TCF7L1: variants seen among roughly 807,000 people sequenced by gnomAD.
TCF7L1 encodes the protein transcription factor 7-like 1.
TCF7L1 carries 18 observed loss-of-function variants against 63.7 expected under a neutral mutation model. That is an observed-to-expected ratio of 0.28 (90% CI 0.20 to 0.42). TCF7L1 has a LOEUF of 0.42. TCF7L1 is among the 10% of genes least tolerant of loss of function. The probability of loss-of-function intolerance (pLI) is 1.00; values close to 1 mark genes in which losing one functional copy is unlikely to be tolerated. For missense variants in TCF7L1, 654 were observed against 779.3 expected (o/e 0.84, Z 1.91); for synonymous variants, 355 against 340.9 (o/e 1.04, Z -0.46).
At chr2:85,191,387 TC>T (rs1437929891) in intron 3 of TCF7L1, among the ~76,000 whole-genome samples, 1 of 152,238 alleles carries the variant, frequency 6.6e-6, no homozygotes, top group Non-Finnish European at 1.5e-5. Flanking sequence ...CAGACCCTGA[TC>T]TGGTGCCAGC....
intron 3 of TCF7L1, among the ~76,000 whole-genome samples, chr2:85,151,771 C>A (rs2583539): frequency 0.47 from 72,126 of 151,982 alleles, 17,689 homozygotes; most frequent in East Asian, 0.84. Context: ...AGCTTTGGGG[C>A]ACTACAAGGT....
At chr2:85,251,540 C>T (rs1312625386) in intron 3 of TCF7L1, among the ~76,000 whole-genome samples, 1 of 152,128 alleles carries the variant, frequency 6.6e-6, no homozygotes, top group Non-Finnish European at 1.5e-5. Flanking sequence ...AGTTAGAACC[C>T]AAGTCTCTGG....
intron 11 of TCF7L1, 32 bp downstream of exon 11, chr2:85,307,749 CT>C (rs748472781): frequency 1.9e-6 from 3 of 1,599,724 alleles, no homozygotes; most frequent in Non-Finnish European, 2.6e-6. Flanking sequence ...TCTTCTCCTG[CT>C]TTTCCTTTTG....
chr2:85,152,320 G>C (rs1037928142), intron 3 of TCF7L1, among the ~76,000 whole-genome samples: 1 of 152,072 alleles, frequency 6.6e-6, no homozygotes, highest in South Asian at 2.1e-4. Context: ...TGTGTTTAAT[G>C]TTATGAGTGC....
chr2:85,279,907 C>T (rs958141690), intron 3 of TCF7L1, among the ~76,000 whole-genome samples: 1 of 152,160 alleles, frequency 6.6e-6, no homozygotes, highest in African/African-American at 2.4e-5. Flanking sequence ...GTGGTAGGCA[C>T]GACCAGTGTG....
chr2:85,199,379 C>T (rs1458469201), intron 3 of TCF7L1, among the ~76,000 whole-genome samples: 1 of 152,042 alleles, frequency 6.6e-6, no homozygotes, highest in African/African-American at 2.4e-5. Flanking sequence ...AGCCAGAAAC[C>T]GTGAGCCATT....
At chr2:85,258,552 T>C (rs1680779037) in intron 3 of TCF7L1, among the ~76,000 whole-genome samples, 1 of 152,158 alleles carries the variant, frequency 6.6e-6, no homozygotes, top group Admixed American at 6.5e-5. Context: ...CAGGCTCTCT[T>C]ACCACCACCG....
rs372810639 is a variant in TCF7L1, at chr2:85,158,580, T to C, written c.441+24130T>C. On this transcript the variant is annotated intron_variant, in intron 3 of 11. Coordinates refer to ENST00000282111, the MANE Select transcript of TCF7L1 (RefSeq NM_031283.3). ...CTAAGAAAAGTCATTGTGTCTCTAT[T>C]GCCAAAATCATGATAGCTCAGGTCA... Among the ~76,000 whole-genome samples, 154 of 152,334 alleles carry C rather than the reference T, an allele frequency of 1.0e-3. 5 individuals carry two copies. The South Asian group carries it at 0.031, about 31-fold the overall frequency.
In TCF7L1 at chr2:85,306,119, G is replaced by A; in HGVS notation, c.990-87G>A. On this transcript the variant is annotated intron_variant, in intron 8 of 11. Coordinates refer to ENST00000282111, the MANE Select transcript of TCF7L1 (RefSeq NM_031283.3). The surrounding 1 kb of genome is among the most constrained non-coding windows in gnomAD (Gnocchi z 4.3). ...CAGGCAGCCCGCGCCCCTCCCCAGA[G>A]ACAATCAGCGGTGTTTCAGTGACAG... The A allele has an allele frequency of 3.9e-6, 6 of 1,554,412 alleles. No homozygotes were observed. Among genetic ancestry groups the A allele is most frequent in the Non-Finnish European group, 4.4e-6 (5 of 1,137,826 alleles).
intron 3 of TCF7L1, chr2:85,262,171 C>T (rs1163930655): frequency 9.1e-6 from 5 of 547,492 alleles, no homozygotes; most frequent in African/African-American, 1.9e-5. Context: ...TCATTAAAAC[C>T]AATGATACAG....
chr2:85,143,719 C>G (rs953097212), intron 3 of TCF7L1, among the ~76,000 whole-genome samples: 1 of 152,224 alleles, frequency 6.6e-6, no homozygotes, highest in Non-Finnish European at 1.5e-5. Context: ...AGCTCCTCCT[C>G]CTCTCCAGAG....
chr2:85,240,337 T>A (rs1474169804), intron 3 of TCF7L1, among the ~76,000 whole-genome samples: 1 of 152,242 alleles, frequency 6.6e-6, no homozygotes, highest in African/African-American at 2.4e-5. Flanking sequence ...AGATGAAGGA[T>A]GTTTTAAACC....
chr2:85,278,797 C>T (rs6733190), intron 3 of TCF7L1, among the ~76,000 whole-genome samples: 50,071 of 152,164 alleles, frequency 0.33, 9,982 homozygotes, highest in Non-Finnish European at 0.45. Flanking sequence ...TAGATAGTCA[C>T]AACATATGTA....
At chr2:85,144,747 G>GTT (rs1272480455) in intron 3 of TCF7L1, among the ~76,000 whole-genome samples, 22 of 147,872 alleles carry the variant, frequency 1.5e-4, no homozygotes, top group East Asian at 3.9e-4. Flanking sequence ...GTGTGTGTGT[G>GTT]TGTATGTGTG....
intron 3 of TCF7L1, among the ~76,000 whole-genome samples, chr2:85,162,300 A>G (rs1342595149): frequency 6.6e-6 from 1 of 152,096 alleles, no homozygotes; most frequent in East Asian, 1.9e-4. Flanking sequence ...TGTGCCCAGA[A>G]TCTCTGGACA....
At chr2:85,168,571 A>G (rs1678474188) in intron 3 of TCF7L1, among the ~76,000 whole-genome samples, 1 of 150,906 alleles carries the variant, frequency 6.6e-6, no homozygotes, top group Admixed American at 6.6e-5. Context: ...AGCTGCGTGG[A>G]CTGAACCTGG....
intron 3 of TCF7L1, among the ~76,000 whole-genome samples, chr2:85,161,814 CCAGGGCTGGAAG>C (rs1678292480): frequency 1.3e-5 from 2 of 152,090 alleles, no homozygotes; most frequent in South Asian, 4.1e-4. Flanking sequence ...AGAGCAGGAG[CCAGGGCTGGAAG>C]CAGGGCTGGG....
intron 3 of TCF7L1, among the ~76,000 whole-genome samples, chr2:85,195,869 TAA>T (rs1679144948): frequency 6.6e-6 from 1 of 152,124 alleles, no homozygotes; most frequent in African/African-American, 2.4e-5. Context: ...TTAAAAACCA[TAA>T]AAAGAGTCCT....
intron 3 of TCF7L1, among the ~76,000 whole-genome samples, chr2:85,198,216 G>A (rs1293526544): frequency 1.3e-5 from 2 of 152,230 alleles, no homozygotes; most frequent in Non-Finnish European, 2.9e-5. Context: ...AGTAAAAGGC[G>A]ACATTGTGAA....
Sources: gnomAD v4.1 joint callset for allele counts (sites outside exome capture counted in the v4.1 genomes callset) on GRCh38, gnomAD v4.1.1 for gene constraint, Gnocchi (gnomAD v3.1) non-coding constraint, MANE v1.5 for transcripts, NCBI Gene and HGNC (gene_info 2026-07-23, HGNC 2026-07-21) for gene names.